The following MAL variants were observed in gnomAD, a reference collection of about 807,000 sequenced individuals.
MAL encodes the protein myelin and lymphocyte protein.
In MAL, 5 loss-of-function variants were observed where a neutral mutation model predicts 16.7. The ratio of observed to expected loss-of-function variants is 0.30; its 90% confidence interval spans 0.16 to 0.63. The LOEUF (loss-of-function observed/expected upper bound fraction) is 0.63, where lower values mean the gene tolerates loss of function less well. Ranked by LOEUF, MAL falls within the 30% of genes least tolerant of loss-of-function variation. MAL has a pLI of 0.82. For synonymous variants in MAL, 96 were observed against 85.5 expected (o/e 1.12, Z -0.67); for missense variants, 202 against 195.8 (o/e 1.03, Z -0.19).
intron 3 of MAL, chr2:95,051,263 G>T (rs1211787604): frequency 6.6e-6 from 1 of 152,156 alleles, no homozygotes; most frequent in Non-Finnish European, 1.5e-5. Context: ...TTCATACAGC[G>T]AACTCCCTGT....
rs1674773457 is a variant in MAL, at chr2:95,053,734, T to C, written c.*279T>C. The C allele has an allele frequency of 2.4e-6, 1 of 421,482 alleles. No individual in the cohort carries two copies. The highest frequency in any genetic ancestry group is 3.6e-5 in the Admixed American group (1 of 27,456). The allele number at this position is 421,482 out of a possible 1,614,324, so 26.1% of individuals were successfully genotyped here. On this transcript the variant is annotated 3_prime_UTR_variant, in exon 4 of 4. Transcript: ENST00000309988. ...TCCTGTTTGTGAAAGGGGACCTTCTTGTTCGGGGGTGGGAAGTGGCGACCG... is the reference window on the plus strand; with the variant it reads ...TCCTGTTTGTGAAAGGGGACCTTCTCGTTCGGGGGTGGGAAGTGGCGACCG...
intron 1 of MAL, among the ~76,000 whole-genome samples, chr2:95,039,937 G>T (rs926397495): frequency 6.6e-6 from 1 of 152,118 alleles, no homozygotes; most frequent in Non-Finnish European, 1.5e-5. Flanking sequence ...GGGAAGAGCC[G>T]CAGGACTTTG....
At chr2:95,037,679 A>G (rs1300748130) in intron 1 of MAL, among the ~76,000 whole-genome samples, 1 of 137,788 alleles carries the variant, frequency 7.3e-6, no homozygotes, top group African/African-American at 2.5e-5. Flanking sequence ...TGAGTGACTG[A>G]GTGAGTGAGT....
At chr2:95,047,031 GAA>G (rs1280287580) in intron 1 of MAL, among the ~76,000 whole-genome samples, 1 of 151,828 alleles carries the variant, frequency 6.6e-6, no homozygotes, top group Non-Finnish European at 1.5e-5. Flanking sequence ...AGAAATGAAG[GAA>G]AGAGAGAGAG....
Position 95,048,058 on chromosome 2 carries a change from GC to G in MAL, c.195del (p.Thr66ProfsTer4). 6.2e-7 allele frequency: 1 copy of G among 1,613,884 alleles called. No homozygotes were observed. Among genetic ancestry groups the G allele is most frequent in the African/African-American group, 1.3e-5 (1 of 74,994 alleles). On this transcript the variant is annotated frameshift_variant, in exon 2 of 4. Transcript: ENST00000309988. LOFTEE classifies it high-confidence loss of function. The stretch of plus-strand genomic sequence containing the variant: ...GTTCGTGTCTGTGTTCTGCTTCGTG[GC>G]CACCACCACCTTGATCATCCTGTAC... ...VMFVSVFCFVATTTLIILYII... is the reference protein window; with the variant it reads ...VMFVSVFCFVXTTTLIILYII...
chr2:95,053,421 C>T lies in MAL; in HGVS notation c.428C>T (p.Ala143Val), dbSNP rs775300945. 1.2e-5 allele frequency: 19 copies of T among 1,613,440 alleles called. No individual in the cohort carries two copies. The highest frequency in any genetic ancestry group is 2.2e-5 in the South Asian group (2 of 91,050). ...GCCACTCTGCTCTACGTGGTCCATGCGGTGTTCTCTTTAATCAGATGGAAG... is the reference window on the plus strand; with the variant it reads ...GCCACTCTGCTCTACGTGGTCCATGTGGTGTTCTCTTTAATCAGATGGAAG... Reference protein sequence around the residue: ...YIATLLYVVHAVFSLIRWKSS With the variant: ...YIATLLYVVHVVFSLIRWKSS Residue 143 changes from alanine to valine, a missense_variant, in exon 4 of 4, where the codon GCG becomes GTG. Ala to Val is a moderately conservative substitution (Grantham distance 64). Transcript: ENST00000309988.
At position 95,028,180 on chromosome 2, in the gene MAL, G is replaced by A. The variant is rs866948436; in HGVS notation, c.93+2295G>A. ...AAAAAAAAAAAAAAAAAAAAAACCC[G>A]GCTTGGGTGGCTCATGCCTGTAGTC... On this transcript the variant is annotated intron_variant, in intron 1 of 3. Coordinates refer to ENST00000309988, the MANE Select transcript of MAL (RefSeq NM_002371.4). Among the ~76,000 whole-genome samples the A allele has an allele frequency of 2.3e-4, 33 of 141,778 alleles. No homozygotes were observed. The East Asian group carries it at 3.5e-3, about 15-fold the overall frequency. The allele number at this position is 141,778 out of a possible 152,430, so 93.0% of individuals were successfully genotyped here.
At chr2:95,045,084 A>G (rs770223902) in intron 1 of MAL, among the ~76,000 whole-genome samples, 1 of 152,180 alleles carries the variant, frequency 6.6e-6, no homozygotes, top group Non-Finnish European at 1.5e-5. Context: ...CATAGAAACA[A>G]TGTCACTATC....
At position 95,025,999 on chromosome 2, in the gene MAL, G is replaced by C. The variant is rs556875923; in HGVS notation, c.93+114G>C. The C allele has an allele frequency of 3.6e-4, 325 of 912,418 alleles. 1 individual carries two copies. Among genetic ancestry groups the C allele is most frequent in the South Asian group, 1.3e-3 (72 of 56,436 alleles). The allele number at this position is 912,418 out of a possible 1,614,324, so 56.5% of individuals were successfully genotyped here. Reference sequence around the variant, plus strand: ...TAGCTGCGCAGGTTCTGGGAGCATCGGGGCAGCAGGCGCAGGGCGGGGACT... The same window carrying C: ...TAGCTGCGCAGGTTCTGGGAGCATCCGGGCAGCAGGCGCAGGGCGGGGACT... On this transcript the variant is annotated intron_variant, in intron 1 of 3. Transcript: ENST00000309988. This position sits in a 1 kb window ranked among gnomAD's most constrained non-coding sequence, Gnocchi z 5.6.
At chr2:95,040,698 G>T (rs1206594118) in intron 1 of MAL, among the ~76,000 whole-genome samples, 1 of 152,132 alleles carries the variant, frequency 6.6e-6, no homozygotes, top group African/African-American at 2.4e-5. Flanking sequence ...GGAGCTTCCC[G>T]CAGTCCTCCC....
At chr2:95,053,266 G>A in intron 3 of MAL, 115 bp from the exon 4 acceptor site, 1 of 753,758 alleles carries the variant, frequency 1.3e-6, no homozygotes, top group Non-Finnish European at 2.4e-6. Flanking sequence ...AGCAATGACA[G>A]CCCAAGCTCT....
At chr2:95,053,069 G>A (rs1674753005) in intron 3 of MAL, 1 of 297,502 alleles carries the variant, frequency 3.4e-6, no homozygotes, top group East Asian at 5.8e-5. Context: ...CATTGGAGGG[G>A]TCTTTGAGGA....
chr2:95,026,909 G>A (rs1251276120), intron 1 of MAL, among the ~76,000 whole-genome samples: 1 of 152,126 alleles, frequency 6.6e-6, no homozygotes, highest in Non-Finnish European at 1.5e-5. Flanking sequence ...GATTGGAGGG[G>A]GAGGGTGTGA....
chr2:95,042,961 G>A (rs1674504967), intron 1 of MAL, among the ~76,000 whole-genome samples: 1 of 152,168 alleles, frequency 6.6e-6, no homozygotes. Flanking sequence ...AACCAGATTT[G>A]ACTCATGGTT....
At chr2:95,046,329 C>T (rs1674584814) in intron 1 of MAL, among the ~76,000 whole-genome samples, 1 of 152,172 alleles carries the variant, frequency 6.6e-6, no homozygotes, top group African/African-American at 2.4e-5. Flanking sequence ...GGAATCTCCA[C>T]ATAGGCCTGG....
At chr2:95,030,817 C>T (rs1462415274) in intron 1 of MAL, among the ~76,000 whole-genome samples, 1 of 152,204 alleles carries the variant, frequency 6.6e-6, no homozygotes, top group East Asian at 1.9e-4. Flanking sequence ...AATCAGTTTG[C>T]AGTTTTGACA....
intron 1 of MAL, among the ~76,000 whole-genome samples, chr2:95,027,204 T>C (rs1673963769): frequency 6.6e-6 from 1 of 152,062 alleles, no homozygotes; most frequent in South Asian, 2.1e-4. Context: ...GGAGTGCCCC[T>C]GAGAGTAGGA....
chr2:95,034,089 C>T (rs1674148866), intron 1 of MAL, among the ~76,000 whole-genome samples: 3 of 152,378 alleles, frequency 2.0e-5, no homozygotes, highest in South Asian at 2.1e-4. Context: ...AGGCCCGCCC[C>T]CATCACCTTT....
chr2:95,047,976 G>A lies in MAL; in HGVS notation c.111G>A (p.Val37=), dbSNP rs1674628348. The change falls in exon 2 of 4, where the codon GTG becomes GTA. Residue 37 remains valine (V), a synonymous_variant. Transcript: ENST00000309988. The part of the protein sequence containing the change: ...FIFEFIFGGL[V]WILVASSLVP... ...CCCCGCAGATCTTCGGGGGCCTGGT[G>A]TGGATCCTGGTGGCCTCCTCCCTGG... is the stretch of plus-strand genomic sequence containing the variant. 3 of 1,613,862 alleles carry A rather than the reference G, an allele frequency of 1.9e-6. No homozygotes were observed. The highest frequency in any genetic ancestry group is 2.5e-6 in the Non-Finnish European group (3 of 1,179,894).
Sources: gnomAD v4.1 joint callset for allele counts (sites outside exome capture counted in the v4.1 genomes callset) on GRCh38, gnomAD v4.1.1 for gene constraint, Gnocchi (gnomAD v3.1) non-coding constraint, MANE v1.5 for transcripts, NCBI Gene and HGNC (gene_info 2026-07-23, HGNC 2026-07-21) for gene names.